Variants in PACRG observed in about 807,000 individuals in gnomAD.
PACRG encodes parkin coregulated gene protein.
A neutral mutation model predicts 29.7 loss-of-function variants in PACRG; 29 were observed. The ratio of observed to expected loss-of-function variants is 0.98; its 90% CI spans 0.73 to 1.33. PACRG has a LOEUF of 1.33. Among genes scored for constraint, PACRG ranks in the 40% most tolerant of loss-of-function variants. The pLI is 0.00. For missense variants in PACRG, 279 were observed against 316.2 expected (o/e 0.88, Z 0.89); for synonymous variants, 116 against 118.7 (o/e 0.98, Z 0.15).
At chr6:163,189,522 G>T (rs1049643825) in intron 4 of PACRG, 9 of 152,232 alleles carry the variant, frequency 5.9e-5, no homozygotes, top group African/African-American at 2.2e-4. Flanking sequence ...TTTAAAGGCT[G>T]AATGGCATTG....
At chr6:163,048,039 A>AT (rs1809583703) in intron 2 of PACRG, among the ~76,000 whole-genome samples, 1 of 152,078 alleles carries the variant, frequency 6.6e-6, no homozygotes, top group South Asian at 2.1e-4. Context: ...TAGTGCATTG[A>AT]TTTTTTTATG....
chr6:162,906,130 A>G (rs1338294329), intron 2 of PACRG, among the ~76,000 whole-genome samples: 3 of 152,198 alleles, frequency 2.0e-5, no homozygotes, highest in Non-Finnish European at 2.9e-5. Flanking sequence ...AGATGTATTA[A>G]TTATTCATCT....
chr6:162,859,181 C>T (rs1297292163), intron 2 of PACRG, among the ~76,000 whole-genome samples: 3 of 152,004 alleles, frequency 2.0e-5, no homozygotes, highest in African/African-American at 7.2e-5. Flanking sequence ...TCTCTTTTCC[C>T]GTTTGCCATT....
At chr6:162,767,457 C>T (rs2128298339) in intron 1 of PACRG, among the ~76,000 whole-genome samples, 1 of 151,466 alleles carries the variant, frequency 6.6e-6, no homozygotes, top group South Asian at 2.1e-4. Flanking sequence ...TCTATTTCAG[C>T]TTTCTTTTGT....
chr6:162,732,364 G>A (rs1779836585), intron 1 of PACRG, among the ~76,000 whole-genome samples: 1 of 152,144 alleles, frequency 6.6e-6, no homozygotes, highest in South Asian at 2.1e-4. Flanking sequence ...CACTATGAGG[G>A]CATGTCCCAG....
At chr6:163,165,965 G>A (rs1380663796) in intron 4 of PACRG, 1 of 382,170 alleles carries the variant, frequency 2.6e-6, no homozygotes, top group Admixed American at 3.2e-5. Flanking sequence ...TTTTTAAAAC[G>A]TTATGATTCT....
At chr6:162,943,059 A>G (rs562884884) in intron 2 of PACRG, among the ~76,000 whole-genome samples, 2 of 152,254 alleles carry the variant, frequency 1.3e-5, no homozygotes, top group East Asian at 3.9e-4. Context: ...CATTCCCACC[A>G]TGGACTTCTG....
intron 2 of PACRG, among the ~76,000 whole-genome samples, chr6:162,925,843 A>G (rs747170344): frequency 2.1e-4 from 32 of 152,250 alleles, no homozygotes; most frequent in Non-Finnish European, 4.3e-4. Context: ...GTATTCAAAT[A>G]GGAAGAGAGG....
At chr6:162,764,010 T>G (rs2128294505) in intron 1 of PACRG, among the ~76,000 whole-genome samples, 1 of 152,302 alleles carries the variant, frequency 6.6e-6, no homozygotes, top group South Asian at 2.1e-4. Flanking sequence ...GCATGGTGGC[T>G]CACGCCTGTA....
At chr6:162,923,511 C>G (rs1797212208) in intron 2 of PACRG, among the ~76,000 whole-genome samples, 1 of 152,058 alleles carries the variant, frequency 6.6e-6, no homozygotes, top group South Asian at 2.1e-4. Context: ...AGTCTTTAAT[C>G]CACTTTGAAT....
intron 4 of PACRG, among the ~76,000 whole-genome samples, chr6:163,291,009 G>A (rs1262871332): frequency 6.6e-6 from 1 of 152,168 alleles, no homozygotes; most frequent in Admixed American, 6.5e-5. Context: ...CTTCCTTTCT[G>A]GAAGGCACTG....
intron 1 of PACRG, among the ~76,000 whole-genome samples, chr6:162,810,684 G>A (rs1210044006): frequency 6.6e-6 from 1 of 152,174 alleles, no homozygotes; most frequent in African/African-American, 2.4e-5. Flanking sequence ...ACAGCAGAAT[G>A]CAGTAGGCAG....
At chr6:162,727,548 G>T, upstream of PACRG, 3 of 1,186,040 alleles carry the variant, frequency 2.5e-6, no homozygotes, top group Non-Finnish European at 2.4e-6. Context: ...CGGGCACTTT[G>T]GCCCCGTCAT....
At chr6:163,262,900 A>G (rs1783384355) in intron 4 of PACRG, among the ~76,000 whole-genome samples, 1 of 141,464 alleles carries the variant, frequency 7.1e-6, no homozygotes, top group Admixed American at 7.0e-5. Context: ...AATTTAAAAA[A>G]TTAGCCCAGT....
At chr6:163,184,504 T>C (rs1439710613) in intron 4 of PACRG, among the ~76,000 whole-genome samples, 1 of 152,182 alleles carries the variant, frequency 6.6e-6, no homozygotes, top group Non-Finnish European at 1.5e-5. Context: ...ATGGTGCAAT[T>C]CTATTTATTC....
chr6:163,216,127 G>A (rs1182710936), intron 4 of PACRG, among the ~76,000 whole-genome samples: 2 of 152,240 alleles, frequency 1.3e-5, no homozygotes, highest in African/African-American at 2.4e-5. Context: ...TCCAGAGGAC[G>A]TGAGAAAGAA....
chr6:162,928,149 CT>C (rs954383658), intron 2 of PACRG, among the ~76,000 whole-genome samples: 4 of 151,914 alleles, frequency 2.6e-5, no homozygotes, highest in East Asian at 1.9e-4. Flanking sequence ...TCCATTTGGG[CT>C]TTTTTTGAGG....
At chr6:162,808,803 G>A (rs1393021081) in intron 1 of PACRG, among the ~76,000 whole-genome samples, 1 of 151,942 alleles carries the variant, frequency 6.6e-6, no homozygotes, top group Non-Finnish European at 1.5e-5. Flanking sequence ...ATGGTCTCTT[G>A]TTTGCTTTAT....
At chr6:163,254,184 T>C (rs1783016616) in intron 4 of PACRG, among the ~76,000 whole-genome samples, 1 of 152,252 alleles carries the variant, frequency 6.6e-6, no homozygotes, top group African/African-American at 2.4e-5. Flanking sequence ...CATCATGTAA[T>C]ATGTCTGATC....
Sources: gnomAD v4.1 joint callset for allele counts (sites outside exome capture counted in the v4.1 genomes callset) on GRCh38, gnomAD v4.1.1 for gene constraint, MANE v1.5 for transcripts, NCBI Gene and HGNC (gene_info 2026-07-23, HGNC 2026-07-21) for gene names.